JAK1: variants seen among roughly 807,000 people sequenced by gnomAD.
JAK1 encodes the protein tyrosine-protein kinase JAK1.
JAK1 carries 16 observed loss-of-function variants against 136.6 expected under a neutral mutation model. The observed-to-expected ratio is 0.12, with a 90% CI of 0.08 to 0.18. The LOEUF (loss-of-function observed/expected upper bound fraction) is 0.18, where lower values mean the gene tolerates loss of function less well. Ranked by LOEUF, JAK1 falls within the 10% of genes least tolerant of loss-of-function variation. JAK1 has a pLI of 1.00. For synonymous variants in JAK1, 492 were observed against 519.5 expected, an observed-to-expected ratio of 0.95 and a Z score of 0.72; for missense variants, 859 against 1,450.1, an observed-to-expected ratio of 0.59 and a Z score of 6.62.
chr1:64,985,284 A>T, intron 2 of JAK1: 3 of 1,609,606 alleles, frequency 1.9e-6, no homozygotes, highest in Non-Finnish European at 2.6e-6. Flanking sequence ...GATGGAAATG[A>T]TGATGGGCTG....
intron 1 of JAK1, among the ~76,000 whole-genome samples, chr1:64,936,404 A>G (rs1645789962): frequency 6.6e-6 from 1 of 152,240 alleles, no homozygotes; most frequent in African/African-American, 2.4e-5. Flanking sequence ...CAAGGTAGGA[A>G]TTGGTGGGCA....
chr1:65,016,250 A>C (rs998564218), intron 2 of JAK1, among the ~76,000 whole-genome samples: 1 of 152,116 alleles, frequency 6.6e-6, no homozygotes, highest in Non-Finnish European at 1.5e-5. Flanking sequence ...GGTGATGAAA[A>C]AGTTTTCGAA....
At chr1:64,959,628 CCAAAT>C (rs1646248161) in intron 1 of JAK1, among the ~76,000 whole-genome samples, 1 of 152,180 alleles carries the variant, frequency 6.6e-6, no homozygotes, top group Admixed American at 6.5e-5. Flanking sequence ...TACATTCCTA[CCAAAT>C]TATATACCTT....
chr1:64,985,303 T>C (rs1646587996), intron 2 of JAK1: 3 of 1,610,394 alleles, frequency 1.9e-6, no homozygotes, highest in Admixed American at 3.3e-5. Context: ...TGTCGGTAGC[T>C]GGATACTCTA....
At chr1:64,999,267 T>C (rs888493780) in intron 2 of JAK1, among the ~76,000 whole-genome samples, 1 of 152,224 alleles carries the variant, frequency 6.6e-6, no homozygotes, top group Non-Finnish European at 1.5e-5. Flanking sequence ...ACTGCCCTCC[T>C]TCTCAGCTCT....
chr1:64,893,142 A>T (rs1644964483), intron 1 of JAK1, among the ~76,000 whole-genome samples: 1 of 151,816 alleles, frequency 6.6e-6, no homozygotes, highest in Non-Finnish European at 1.5e-5. Context: ...GCTGTTCTTT[A>T]AAAAAAATAA....
In JAK1 at chr1:64,835,444, C is replaced by T. The variant is rs374294807; in HGVS notation, c.3321G>A (p.Thr1107=). 3.9e-5 allele frequency: 63 copies of T among 1,609,760 alleles called. No individual in the cohort carries two copies. The highest frequency in any genetic ancestry group is 3.2e-4 in the African/African-American group (24 of 74,492). The stretch of plus-strand genomic sequence containing the variant: ...ACGGCAGGCGTTTTCCTTCTTTTAA[C>T]GTATTCACAAGTCTTGTGACTGTCA... ...GQMTVTRLVN[T]LKEGKRLPCP... The change falls in exon 24 of 25, where the codon ACG becomes ACA. Residue 1107 remains threonine, a synonymous_variant. Transcript: ENST00000342505.
chr1:64,982,212 T>C (rs993508820), intron 2 of JAK1, among the ~76,000 whole-genome samples: 1 of 152,122 alleles, frequency 6.6e-6, no homozygotes, highest in African/African-American at 2.4e-5. Flanking sequence ...GAGTGTTAAG[T>C]TAAAATCCTC....
chr1:65,047,825 T>C (rs1647201432), intron 1 of JAK1, among the ~76,000 whole-genome samples: 1 of 151,954 alleles, frequency 6.6e-6, no homozygotes. Context: ...GGACGTACTG[T>C]GTGCAAGTGT....
At chr1:64,958,236 T>C (rs1646225567) in intron 1 of JAK1, among the ~76,000 whole-genome samples, 1 of 152,196 alleles carries the variant, frequency 6.6e-6, no homozygotes, top group South Asian at 2.1e-4. Flanking sequence ...TCAAGTGGGC[T>C]TACAATTTAT....
At chr1:64,924,655 C>T (rs1645552051) in intron 1 of JAK1, among the ~76,000 whole-genome samples, 1 of 152,186 alleles carries the variant, frequency 6.6e-6, no homozygotes. Context: ...TTCTAAAATT[C>T]CTCTGTTTGT....
intron 1 of JAK1, among the ~76,000 whole-genome samples, chr1:65,050,066 A>G (rs1219317107): frequency 6.6e-6 from 1 of 152,186 alleles, no homozygotes; most frequent in Non-Finnish European, 1.5e-5. Flanking sequence ...CTGACCACAG[A>G]AAGTGGGGAT....
chr1:64,977,165 G>GTTTA (rs35414864), intron 2 of JAK1, among the ~76,000 whole-genome samples: 18,666 of 151,760 alleles, frequency 0.12, 1,565 homozygotes, highest in East Asian at 0.27. Context: ...TTGTTTGTTT[G>GTTTA]TTGAGATAGG....
intron 2 of JAK1, among the ~76,000 whole-genome samples, chr1:65,031,681 T>C (rs1647024891): frequency 6.6e-6 from 1 of 152,184 alleles, no homozygotes; most frequent in East Asian, 1.9e-4. Context: ...TAAGAGAATG[T>C]CCTTTTTTTC....
At chr1:64,863,607 T>A (rs1387717394) in intron 8 of JAK1, among the ~76,000 whole-genome samples, 1 of 152,220 alleles carries the variant, frequency 6.6e-6, no homozygotes, top group African/African-American at 2.4e-5. Flanking sequence ...AAGTAGCTGT[T>A]AATATTTATT....
intron 1 of JAK1, among the ~76,000 whole-genome samples, chr1:64,895,321 A>G (rs552624010): frequency 6.6e-6 from 1 of 152,248 alleles, no homozygotes; most frequent in African/African-American, 2.4e-5. Flanking sequence ...ATTTTCTTAT[A>G]TTTAATACAT....
At chr1:64,848,310 G>A (rs946094877) in intron 12 of JAK1, among the ~76,000 whole-genome samples, 11 of 152,196 alleles carry the variant, frequency 7.2e-5, no homozygotes, top group African/African-American at 2.7e-4. Context: ...GAAGCCCTCT[G>A]GCACAGGTAG....
In JAK1 at chr1:64,841,438, TG is replaced by T. The variant is rs775556837; in HGVS notation, c.2554+12del. 2.4e-5 allele frequency: 39 copies of T among 1,614,160 alleles called. No homozygotes were observed. Among genetic ancestry groups the T allele is most frequent in the Non-Finnish European group, 3.0e-5 (35 of 1,180,002 alleles). On this transcript the variant is annotated intron_variant, in intron 18 of 24. Transcript: ENST00000342505. The stretch of plus-strand genomic sequence containing the variant: ...CCCCAAGCTGGGTTAAAGCAGCACA[TG>T]GCAGGTCTTACTCTGCTCTTCAAGC...
At chr1:65,002,613 C>G (rs775860042) in intron 2 of JAK1, 2 of 152,306 alleles carry the variant, frequency 1.3e-5, no homozygotes, top group Non-Finnish European at 2.9e-5. Context: ...AGTAGGCCAC[C>G]CCGGAGGGCT....
Sources: gnomAD v4.1 joint callset for allele counts (sites outside exome capture counted in the v4.1 genomes callset) on GRCh38, gnomAD v4.1.1 for gene constraint, MANE v1.5 for transcripts, NCBI Gene and HGNC (gene_info 2026-07-23, HGNC 2026-07-21) for gene names.